Variants in HMGB1 observed in about 807,000 individuals in gnomAD.
The protein encoded by HMGB1 is high mobility group box 1, also known as high mobility group protein B1.
For missense variants in HMGB1, 79 were observed against 253.5 expected (o/e 0.31, Z 4.67); for synonymous variants, 81 against 84.0 (o/e 0.96, Z 0.19).
At chr13:30,532,503 C>T (rs1221537226) in intron 1 of HMGB1, among the ~76,000 whole-genome samples, 5 of 151,638 alleles carry the variant, frequency 3.3e-5, no homozygotes, top group African/African-American at 1.2e-4. Context: ...TAAATCAATC[C>T]TTTATTTTTT....
chr13:30,557,241 G>A (rs1288478633), intron 1 of HMGB1, among the ~76,000 whole-genome samples: 2 of 151,964 alleles, frequency 1.3e-5, no homozygotes, highest in African/African-American at 4.8e-5. Flanking sequence ...TTTTTTAAGG[G>A]TATCTTTTTC....
At chr13:30,534,264 GCTCA>G (rs1888562482) in intron 1 of HMGB1, among the ~76,000 whole-genome samples, 1 of 152,122 alleles carries the variant, frequency 6.6e-6, no homozygotes, top group African/African-American at 2.4e-5. Context: ...CATTTCCCCT[GCTCA>G]CTCAGCCAGT....
At chr13:30,524,739 C>T (rs61947772) in intron 1 of HMGB1, among the ~76,000 whole-genome samples, 2,589 of 151,772 alleles carry the variant, frequency 0.017, 35 homozygotes, top group Middle Eastern at 0.027. Context: ...TGGTGAAATT[C>T]TTCAACAGAC....
intron 1 of HMGB1, among the ~76,000 whole-genome samples, chr13:30,517,226 G>T (rs1415229215): frequency 1.3e-5 from 2 of 152,184 alleles, no homozygotes; most frequent in African/African-American, 4.8e-5. Flanking sequence ...TCTGGGGTGA[G>T]ACCCCCAAAA....
At chr13:30,500,833 C>G (rs928547783) in intron 1 of HMGB1, among the ~76,000 whole-genome samples, 5 of 151,476 alleles carry the variant, frequency 3.3e-5, no homozygotes, top group Non-Finnish European at 7.4e-5. Flanking sequence ...AAGGGATTCT[C>G]CTGCCTCAGC....
chr13:30,505,636 A>G (rs990988326), intron 1 of HMGB1, among the ~76,000 whole-genome samples: 1 of 151,464 alleles, frequency 6.6e-6, no homozygotes, highest in Non-Finnish European at 1.5e-5. Context: ...TATTATGGAA[A>G]ATTGCAAAAG....
At chr13:30,527,863 C>A (rs1445875213) in intron 1 of HMGB1, among the ~76,000 whole-genome samples, 1 of 151,884 alleles carries the variant, frequency 6.6e-6, no homozygotes, top group Non-Finnish European at 1.5e-5. Context: ...GTGTGCTCTT[C>A]CCCCCATAGT....
At chr13:30,465,621 G>A (rs1593258659) in intron 1 of HMGB1, among the ~76,000 whole-genome samples, 175 bp downstream of exon 1, 1 of 151,252 alleles carries the variant, frequency 6.6e-6, no homozygotes, top group South Asian at 2.1e-4. Context: ...GCGGGGCAGC[G>A]TTCCCGGCGC....
intron 1 of HMGB1, among the ~76,000 whole-genome samples, chr13:30,604,782 C>T (rs1950439112): frequency 6.6e-6 from 1 of 152,120 alleles, no homozygotes; most frequent in African/African-American, 2.4e-5. Flanking sequence ...CTCAGCCTCC[C>T]GAGTAGCTGG....
intron 1 of HMGB1, among the ~76,000 whole-genome samples, chr13:30,484,654 G>C (rs1320610334): frequency 2.0e-5 from 3 of 152,126 alleles, no homozygotes; most frequent in African/African-American, 7.2e-5. Flanking sequence ...AGGACTGCTT[G>C]AGCCCAGGAG....
intron 1 of HMGB1, among the ~76,000 whole-genome samples, chr13:30,587,537 T>G (rs1429490910): frequency 1.3e-5 from 2 of 152,318 alleles, no homozygotes; most frequent in South Asian, 4.1e-4. Context: ...ATGAGACTAG[T>G]GGGGTCCTTA....
chr13:30,498,552 G>A (rs1327385546), intron 1 of HMGB1, among the ~76,000 whole-genome samples: 12 of 151,738 alleles, frequency 7.9e-5, no homozygotes, highest in African/African-American at 2.4e-4. Flanking sequence ...ACCACCCCAC[G>A]TCTAGCTATA....
chr13:30,494,614 G>A (rs1887570368), intron 1 of HMGB1, among the ~76,000 whole-genome samples: 1 of 152,218 alleles, frequency 6.6e-6, no homozygotes, highest in African/African-American at 2.4e-5. Flanking sequence ...GCCCGCCTTG[G>A]CCTTCCAAAG....
intron 1 of HMGB1, among the ~76,000 whole-genome samples, chr13:30,552,435 C>T (rs1411256838): frequency 6.6e-6 from 1 of 152,180 alleles, no homozygotes; most frequent in East Asian, 1.9e-4. Flanking sequence ...TATTTCTCCT[C>T]AGTTGGCTGA....
At chr13:30,576,682 A>C (rs1870670749) in intron 1 of HMGB1, among the ~76,000 whole-genome samples, 1 of 151,642 alleles carries the variant, frequency 6.6e-6, no homozygotes, top group Non-Finnish European at 1.5e-5. Flanking sequence ...GCCTCTCTCC[A>C]CATCAGCATC....
intron 1 of HMGB1, among the ~76,000 whole-genome samples, chr13:30,613,401 CA>C (rs926615732): frequency 6.6e-6 from 1 of 152,088 alleles, no homozygotes; most frequent in Non-Finnish European, 1.5e-5. Flanking sequence ...ATATTATTGG[CA>C]AAAAATTTTA....
At chr13:30,530,510 T>C (rs1888470956) in intron 1 of HMGB1, among the ~76,000 whole-genome samples, 1 of 152,220 alleles carries the variant, frequency 6.6e-6, no homozygotes, top group Non-Finnish European at 1.5e-5. Context: ...CTTTGACCAA[T>C]ACTAGTTCCC....
At chr13:30,489,304 TG>T (rs1395498333) in intron 1 of HMGB1, among the ~76,000 whole-genome samples, 5 of 152,198 alleles carry the variant, frequency 3.3e-5, no homozygotes, top group Non-Finnish European at 7.3e-5. Context: ...GAGACCAGCC[TG>T]GGCAATATAG....
intron 1 of HMGB1, chr13:30,464,446 G>A (rs1182789069): frequency 2.0e-6 from 2 of 985,344 alleles, no homozygotes; most frequent in Non-Finnish European, 2.4e-6. Context: ...AGCCGTGAAA[G>A]TTGGGGTGAC....
Sources: allele counts gnomAD v4.1 joint callset (sites outside exome capture counted in the v4.1 genomes callset), GRCh38; gene constraint gnomAD v4.1.1; transcripts MANE v1.5; gene names NCBI Gene and HGNC (gene_info 2026-07-23, HGNC 2026-07-21).